The following SLIT3 variants were observed in gnomAD, a reference collection of about 807,000 sequenced individuals.
SLIT3 encodes slit guidance ligand 3, also known as slit homolog 3 protein.
SLIT3 carries 68 observed loss-of-function variants against 184.0 expected under a neutral mutation model. The ratio of observed to expected loss-of-function variants is 0.37; its 90% CI spans 0.30 to 0.45. The LOEUF is 0.45. Among genes scored for constraint, SLIT3 ranks in the 20% least tolerant of loss-of-function variants. The pLI is 1.00. For missense variants in SLIT3, 1,707 were observed against 2,026.0 expected (o/e 0.84, Z 3.02); for synonymous variants, 831 against 828.6 (o/e 1.00, Z -0.05).
intron 4 of SLIT3, among the ~76,000 whole-genome samples, chr5:168,902,430 T>G (rs1165028729): frequency 2.0e-5 from 3 of 152,174 alleles, no homozygotes; most frequent in African/African-American, 7.2e-5. Context: ...GTTTGTATGA[T>G]GGGAATATGC....
chr5:169,227,035 C>T (rs1463479436), intron 3 of SLIT3, among the ~76,000 whole-genome samples: 1 of 152,282 alleles, frequency 6.6e-6, no homozygotes, highest in African/African-American at 2.4e-5. Context: ...CTGGGGAACC[C>T]ACTAACATGG....
At chr5:169,288,222 T>C (rs960886143) in intron 1 of SLIT3, among the ~76,000 whole-genome samples, 1 of 152,124 alleles carries the variant, frequency 6.6e-6, no homozygotes, top group Non-Finnish European at 1.5e-5. Flanking sequence ...GCTTCTCAAA[T>C]AAGGTCAGTG....
At chr5:169,122,744 C>T (rs998630070) in intron 4 of SLIT3, among the ~76,000 whole-genome samples, 2 of 152,168 alleles carry the variant, frequency 1.3e-5, no homozygotes, top group African/African-American at 4.8e-5. Flanking sequence ...TTGGGTCTCC[C>T]ATTGGTCAAT....
At chr5:169,225,864 G>A (rs1009379823) in intron 3 of SLIT3, among the ~76,000 whole-genome samples, 5 of 152,238 alleles carry the variant, frequency 3.3e-5, no homozygotes, top group African/African-American at 1.2e-4. Context: ...GGGAAGCTGA[G>A]GAAGGGTGTT....
chr5:168,786,324 G>C (rs947899521), intron 11 of SLIT3, among the ~76,000 whole-genome samples: 1 of 152,168 alleles, frequency 6.6e-6, no homozygotes, highest in African/African-American at 2.4e-5. Context: ...CACTGTGTGG[G>C]AGACTGGCCC....
intron 4 of SLIT3, among the ~76,000 whole-genome samples, chr5:168,946,876 A>C (rs1762498438): frequency 6.6e-6 from 1 of 152,168 alleles, no homozygotes; most frequent in Non-Finnish European, 1.5e-5. Flanking sequence ...CTCCATTTGC[A>C]AAGCCTTTTA....
rs1488353497 is a variant in SLIT3 at position 169,168,396 on chromosome 5, A to G, written c.413+25083T>C. 2.0e-5 allele frequency among the ~76,000 whole-genome samples: 3 copies of G among 152,202 alleles called. No homozygotes were observed. The East Asian group carries it at 5.8e-4, about 29-fold the overall frequency. ...CACCAGCTCTCTGGGGCTGCTGCAC[A>G]ATCTGGCTTTAAGTTCTCCCCTGCC... is the stretch of plus-strand genomic sequence containing the variant. On this transcript the variant is annotated intron_variant, in intron 4 of 35. Transcript: ENST00000519560.
intron 7 of SLIT3, among the ~76,000 whole-genome samples, chr5:168,822,270 T>G (rs946351939): frequency 6.6e-6 from 1 of 152,178 alleles, no homozygotes; most frequent in Admixed American, 6.5e-5. Context: ...TCAATATCAT[T>G]TATTGTCTAC....
intron 33 of SLIT3, 81 bp downstream of exon 33, chr5:168,673,096 G>T: frequency 7.1e-7 from 1 of 1,402,150 alleles, no homozygotes; most frequent in Non-Finnish European, 9.9e-7. Flanking sequence ...TCCCTGATTG[G>T]CTTTGGCAGT....
intron 4 of SLIT3, among the ~76,000 whole-genome samples, chr5:168,971,223 G>A (rs62377245): frequency 0.047 from 7,138 of 152,256 alleles, 190 homozygotes; most frequent in Middle Eastern, 0.068. Flanking sequence ...CATCTTCAGC[G>A]TCACCATGCA....
chr5:168,855,642 T>G (rs180681736), intron 5 of SLIT3, among the ~76,000 whole-genome samples: 9 of 152,350 alleles, frequency 5.9e-5, no homozygotes, highest in Non-Finnish European at 1.0e-4. Context: ...TATTGTGTGA[T>G]TCCATGAATA....
At chr5:168,687,603 G>A (rs953008171) in intron 29 of SLIT3, among the ~76,000 whole-genome samples, 1 of 152,158 alleles carries the variant, frequency 6.6e-6, no homozygotes, top group African/African-American at 2.4e-5. Context: ...ACACTTGCGT[G>A]TCATAAACTG....
chr5:168,785,437 C>G (rs75455247), intron 12 of SLIT3, among the ~76,000 whole-genome samples: 2 of 152,242 alleles, frequency 1.3e-5, no homozygotes, highest in Admixed American at 1.3e-4. Flanking sequence ...TGGATTCACA[C>G]TGGTGACTGA....
chr5:168,987,766 C>T (rs1385278139), intron 4 of SLIT3, among the ~76,000 whole-genome samples: 1 of 152,214 alleles, frequency 6.6e-6, no homozygotes, highest in African/African-American at 2.4e-5. Context: ...AGGTGGCAGC[C>T]CACCCATTAT....
chr5:169,123,001 T>G (rs1178746406), intron 4 of SLIT3, among the ~76,000 whole-genome samples: 2 of 152,112 alleles, frequency 1.3e-5, no homozygotes, highest in Non-Finnish European at 2.9e-5. Flanking sequence ...AATATGGTGA[T>G]TATGAAATGA....
At chr5:169,223,050 A>G (rs1764669530) in intron 3 of SLIT3, among the ~76,000 whole-genome samples, 1 of 152,180 alleles carries the variant, frequency 6.6e-6, no homozygotes, top group African/African-American at 2.4e-5. Flanking sequence ...ATTTAGCTGC[A>G]TGGGTTATTA....
chr5:168,796,681 T>G (rs1020423934), intron 9 of SLIT3, among the ~76,000 whole-genome samples: 4 of 152,310 alleles, frequency 2.6e-5, no homozygotes, highest in Admixed American at 1.3e-4. Context: ...CTGGCTGGGA[T>G]GAACCCATTC....
At chr5:169,198,976 A>ACACACACG (rs1554106510) in intron 3 of SLIT3, among the ~76,000 whole-genome samples, 4 of 149,328 alleles carry the variant, frequency 2.7e-5, no homozygotes, top group African/African-American at 9.9e-5. Flanking sequence ...ACACACACAC[A>ACACACACG]TATGTGTGTA....
At chr5:169,190,672 G>C (rs1468918916) in intron 4 of SLIT3, among the ~76,000 whole-genome samples, 1 of 152,124 alleles carries the variant, frequency 6.6e-6, no homozygotes, top group African/African-American at 2.4e-5. Flanking sequence ...GTAGTATCAA[G>C]AATTGTTTAT....
Sources: gnomAD v4.1 joint callset for allele counts (sites outside exome capture counted in the v4.1 genomes callset) on GRCh38, gnomAD v4.1.1 for gene constraint, MANE v1.5 for transcripts, NCBI Gene and HGNC (gene_info 2026-07-23, HGNC 2026-07-21) for gene names.